CSMD1: variants seen among roughly 807,000 people sequenced by gnomAD.
CSMD1 encodes CUB and sushi domain-containing protein 1.
In CSMD1, 213 loss-of-function variants were observed where a neutral mutation model predicts 417.5. The observed-to-expected ratio is 0.51, with a 90% CI of 0.46 to 0.57. CSMD1 has a LOEUF of 0.57. Among genes scored for constraint, CSMD1 ranks in the 20% least tolerant of loss-of-function variants. CSMD1 has a pLI of 0.00. For missense variants in CSMD1, 6,923 were observed against 4,529.7 expected, an observed-to-expected ratio of 1.53 and a Z score of -15.17; for synonymous variants, 2,862 against 1,736.8, an observed-to-expected ratio of 1.65 and a Z score of -16.11.
chr8:4,768,199 C>T (rs1812598838), intron 1 of CSMD1, among the ~76,000 whole-genome samples: 1 of 152,038 alleles, frequency 6.6e-6, no homozygotes, highest in African/African-American at 2.4e-5. Context: ...TGGGAAGATG[C>T]CTTTTATGTT....
At chr8:3,987,921 G>A (rs541277126) in intron 5 of CSMD1, among the ~76,000 whole-genome samples, 11 of 152,246 alleles carry the variant, frequency 7.2e-5, no homozygotes, top group East Asian at 1.9e-4. Context: ...GAGTCACACC[G>A]AATGGTCTCA....
rs139253370 is a variant in CSMD1 at position 4,146,228 on chromosome 8, G to C, written c.416-114129C>G. Among the ~76,000 whole-genome samples, 51 of 151,106 alleles carry C rather than the reference G, an allele frequency of 3.4e-4. 6 individuals carry two copies. The highest frequency in any genetic ancestry group is 1.1e-3 in the African/African-American group (46 of 40,462). On this transcript the variant is annotated intron_variant, in intron 3 of 69. Coordinates refer to ENST00000635120, the MANE Select transcript of CSMD1 (RefSeq NM_033225.6). ...GATATCGTTTGGAAACATGAACTTG[G>C]AGAAAACCTCTCCCAGGACCCTCAT...
At chr8:3,555,844 A>G (rs537889719) in intron 10 of CSMD1, among the ~76,000 whole-genome samples, 3 of 152,256 alleles carry the variant, frequency 2.0e-5, no homozygotes, top group East Asian at 1.9e-4. Context: ...AAGTTTTTCT[A>G]TGAAATATAC....
At chr8:4,082,026 T>C (rs761250745) in intron 3 of CSMD1, among the ~76,000 whole-genome samples, 94 of 151,958 alleles carry the variant, frequency 6.2e-4, no homozygotes, top group African/African-American at 2.0e-3. Flanking sequence ...AAAAGGCAAA[T>C]AGAGAAATTA....
chr8:3,289,028 C>T (rs1336310948), intron 25 of CSMD1, among the ~76,000 whole-genome samples: 3 of 146,646 alleles, frequency 2.0e-5, no homozygotes, highest in Admixed American at 1.3e-4. Flanking sequence ...TTCCTGTGTC[C>T]GTGTGTTCTC....
At chr8:3,968,501 T>C (rs1812846773) in intron 5 of CSMD1, among the ~76,000 whole-genome samples, 1 of 152,100 alleles carries the variant, frequency 6.6e-6, no homozygotes, top group Non-Finnish European at 1.5e-5. Flanking sequence ...GGATTCAAAA[T>C]ACTTAATAAA....
At chr8:4,069,609 C>G (rs75814233) in intron 3 of CSMD1, among the ~76,000 whole-genome samples, 1 of 152,148 alleles carries the variant, frequency 6.6e-6, no homozygotes, top group South Asian at 2.1e-4. Flanking sequence ...CAGCGTAATA[C>G]CATCTGGCCT....
chr8:3,716,274 A>C (rs1801827486), intron 6 of CSMD1, among the ~76,000 whole-genome samples: 1 of 152,154 alleles, frequency 6.6e-6, no homozygotes, highest in Non-Finnish European at 1.5e-5. Flanking sequence ...TCTCATGCAA[A>C]ACAGAATTCA....
chr8:3,342,143 G>C (rs79991805), intron 23 of CSMD1, among the ~76,000 whole-genome samples: 4 of 152,214 alleles, frequency 2.6e-5, no homozygotes, highest in African/African-American at 9.6e-5. Flanking sequence ...TTATCACAAA[G>C]GTGAAAAACT....
intron 3 of CSMD1, among the ~76,000 whole-genome samples, chr8:4,289,232 C>G (rs117023729): frequency 2.0e-5 from 3 of 152,294 alleles, no homozygotes; most frequent in Non-Finnish European, 2.9e-5. Context: ...GGTCATTTCT[C>G]ATATTGTTAT....
intron 11 of CSMD1, among the ~76,000 whole-genome samples, chr8:3,480,064 C>T (rs558149380): frequency 6.6e-6 from 1 of 152,036 alleles, no homozygotes; most frequent in South Asian, 2.1e-4. Flanking sequence ...AAACAGACTA[C>T]AAATGGAAAA....
chr8:3,944,598 C>T (rs1811100463), intron 5 of CSMD1, among the ~76,000 whole-genome samples: 1 of 152,082 alleles, frequency 6.6e-6, no homozygotes, highest in African/African-American at 2.4e-5. Flanking sequence ...TGCAAATTCC[C>T]AGATATGCCA....
chr8:3,426,496 T>C (rs1813849382), intron 12 of CSMD1, among the ~76,000 whole-genome samples: 1 of 152,200 alleles, frequency 6.6e-6, no homozygotes, highest in Non-Finnish European at 1.5e-5. Context: ...ACCTGCTCTT[T>C]CCCTCAATTG....
chr8:3,601,475 C>T (rs2449172), intron 8 of CSMD1, among the ~76,000 whole-genome samples: 130,858 of 152,176 alleles, frequency 0.86, 57,204 homozygotes, highest in Non-Finnish European at 0.95. Context: ...TCTCATATCA[C>T]GGATGACATA....
rs1802202371 is a variant in CSMD1 at position 3,721,970 on chromosome 8, C to A, written c.932-13479G>T. On this transcript the variant is annotated intron_variant, in intron 6 of 69. Coordinates refer to ENST00000635120, the MANE Select transcript of CSMD1 (RefSeq NM_033225.6). ...CAAGGCCGTCCTCATCCCTCACCTCCTGCTGTCCCCAAGCCCCCCACAAGC... is the reference window on the plus strand; with the variant it reads ...CAAGGCCGTCCTCATCCCTCACCTCATGCTGTCCCCAAGCCCCCCACAAGC... Among the ~76,000 whole-genome samples the A allele has an allele frequency of 3.3e-5, 5 of 152,222 alleles. No homozygotes were observed. The South Asian group carries it at 1.0e-3, about 32-fold the overall frequency.
At chr8:3,446,843 C>G (rs1815338982) in intron 12 of CSMD1, among the ~76,000 whole-genome samples, 1 of 152,202 alleles carries the variant, frequency 6.6e-6, no homozygotes, top group Non-Finnish European at 1.5e-5. Flanking sequence ...TTTTTGACTT[C>G]TAGCTGGTTT....
intron 7 of CSMD1, among the ~76,000 whole-genome samples, chr8:3,685,620 T>A (rs1028301755): frequency 6.6e-6 from 1 of 151,704 alleles, no homozygotes; most frequent in Admixed American, 6.6e-5. Context: ...ATCTGGTGAG[T>A]TTCATTTCTT....
chr8:3,116,890 GA>G (rs1199954982), intron 42 of CSMD1, among the ~76,000 whole-genome samples: 6 of 152,050 alleles, frequency 3.9e-5, no homozygotes, highest in African/African-American at 1.4e-4. Flanking sequence ...TTCTAGAACG[GA>G]AAGTAGACTT....
intron 7 of CSMD1, among the ~76,000 whole-genome samples, chr8:3,665,949 C>A (rs62474690): frequency 0.15 from 22,729 of 152,146 alleles, 2,201 homozygotes; most frequent in East Asian, 0.34. Context: ...GTGGCCTCAG[C>A]TCACTGCAAC....
Sources: allele counts gnomAD v4.1 joint callset (sites outside exome capture counted in the v4.1 genomes callset), GRCh38; gene constraint gnomAD v4.1.1; transcripts MANE v1.5; gene names NCBI Gene and HGNC (gene_info 2026-07-23, HGNC 2026-07-21).